GATC: variants seen among roughly 807,000 people sequenced by gnomAD.
GATC encodes the protein glutamyl-tRNA amidotransferase subunit C.
GATC carries 11 observed loss-of-function variants against 14.4 expected under a neutral mutation model. The observed-to-expected ratio is 0.77, with a 90% CI of 0.48 to 1.27. The LOEUF (loss-of-function observed/expected upper bound fraction) is 1.27, where lower values mean the gene tolerates loss of function less well. Among genes scored for constraint, GATC ranks in the 50% most tolerant of loss-of-function variants. The probability of loss-of-function intolerance (pLI) is 0.00; values close to 1 mark genes in which losing one functional copy is unlikely to be tolerated. For synonymous variants in GATC, 76 were observed against 79.3 expected (o/e 0.96, Z 0.22); for missense variants, 204 against 183.0 (o/e 1.11, Z -0.66).
At chr12:120,454,564 A>G (rs1043323542) in intron 2 of GATC, among the ~76,000 whole-genome samples, 1 of 143,618 alleles carries the variant, frequency 7.0e-6, no homozygotes, top group African/African-American at 2.5e-5. Flanking sequence ...CCCCGCCACC[A>G]CGCCTGGCTA....
chr12:120,458,011 G>A (rs934147076), intron 3 of GATC, among the ~76,000 whole-genome samples: 1 of 152,080 alleles, frequency 6.6e-6, no homozygotes, highest in Non-Finnish European at 1.5e-5. Flanking sequence ...GAGCATGGCT[G>A]CTACCCTATC....
chr12:120,447,105 CT>C lies in GATC; in HGVS notation c.254+277del, dbSNP rs376371056. Among the ~76,000 whole-genome samples, 155 of 143,244 alleles carry C rather than the reference CT, an allele frequency of 1.1e-3. 1 individual carries two copies. In the South Asian group the frequency reaches 0.017, roughly 15 times the overall value. The allele number at this position is 143,244 out of a possible 152,430, so 94.0% of individuals were successfully genotyped here. On this transcript the variant is annotated intron_variant, in intron 2 of 3. Transcript: ENST00000551765. The stretch of plus-strand genomic sequence containing the variant: ...TGTTTTTTTTTTTTTGAGACGGAGT[CT>C]CGCTGTGTTGCCTAGGCTGGAGTGC...
In GATC at chr12:120,461,747, A is replaced by G. The variant is rs1878345206; in HGVS notation, c.*1788A>G. 1 of 285,594 alleles carries G rather than the reference A, an allele frequency of 3.5e-6. No homozygotes were observed. The highest frequency in any genetic ancestry group is 6.5e-6 in the Non-Finnish European group (1 of 153,622). 17.7% of individuals were successfully genotyped at this position (285,594 alleles called of 1,614,324 possible). A position where few individuals can be genotyped will look rare whatever the true frequency, so the allele number is the denominator to read the frequency against. ...CAGTAACTGTTGATCTCCATAGTAG[A>G]GCAACCCACAAAGACAGAACTGATT... On this transcript the variant is annotated 3_prime_UTR_variant, in exon 4 of 4. Coordinates refer to ENST00000551765, the MANE Select transcript of GATC (RefSeq NM_176818.3).
chr12:120,462,040 G>C lies in GATC; in HGVS notation c.*2081G>C. On this transcript the variant is annotated 3_prime_UTR_variant, in exon 4 of 4. Transcript: ENST00000551765. ...TGTCTCAGTAGGGCCTGAAAGGAGA[G>C]AAGTAGTGTGGGGAACCCCTGCTTT... 1 of 1,611,632 alleles carries C rather than the reference G, an allele frequency of 6.2e-7. No homozygotes were observed. The highest frequency in any genetic ancestry group is 8.5e-7 in the Non-Finnish European group (1 of 1,179,682).
chr12:120,458,570 G>T (rs1412135043), intron 3 of GATC, among the ~76,000 whole-genome samples: 1 of 152,102 alleles, frequency 6.6e-6, no homozygotes, highest in African/African-American at 2.4e-5. Context: ...AATTACTCTG[G>T]GCTGACAGTA....
In GATC at chr12:120,462,193, A is replaced by C. The variant is rs879764291; in HGVS notation, c.*2234A>C. Reference sequence around the variant, plus strand: ...ATGCAAACAAAAACAAAAAGAGTAAAGGGGAAAAAAATCAGAGCCAGAAGA... The same window carrying C: ...ATGCAAACAAAAACAAAAAGAGTAACGGGGAAAAAAATCAGAGCCAGAAGA... On this transcript the variant is annotated 3_prime_UTR_variant, in exon 4 of 4. Transcript: ENST00000551765. 5 of 1,582,862 alleles carry C rather than the reference A, an allele frequency of 3.2e-6. No individual in the cohort carries two copies. The highest frequency in any genetic ancestry group is 1.1e-5 in the South Asian group (1 of 87,882).
Position 120,462,469 on chromosome 12 carries a change from G to C in GATC, c.*2510G>C. ...ACAATATATCTGAATTACTGCCATT[G>C]ACCCCCCTCAAAGCTAAGAACTGGA... is the stretch of plus-strand genomic sequence containing the variant. On this transcript the variant is annotated 3_prime_UTR_variant, in exon 4 of 4. Transcript: ENST00000551765. 8.8e-6 allele frequency: 2 copies of C among 226,806 alleles called. No homozygotes were observed. Among genetic ancestry groups the C allele is most frequent in the Non-Finnish European group, 1.8e-5 (2 of 113,954 alleles). The allele number at this position is 226,806 out of a possible 1,614,324, so 14.0% of individuals were successfully genotyped here. A position where few individuals can be genotyped will look rare whatever the true frequency, so the allele number is the denominator to read the frequency against.
intron 2 of GATC, chr12:120,454,856 T>TA (rs1565914037): frequency 9.3e-5 from 21 of 224,776 alleles, no homozygotes; most frequent in African/African-American, 4.1e-4. Flanking sequence ...CTTGTGTTAT[T>TA]CAAAAAAAAA....
chr12:120,460,182 G>A lies in GATC; in HGVS notation c.*223G>A, dbSNP rs558719693. 1 of 471,998 alleles carries A rather than the reference G, an allele frequency of 2.1e-6. No homozygotes were observed. Among genetic ancestry groups the A allele is most frequent in the South Asian group, 2.4e-5 (1 of 41,970 alleles). 29.2% of individuals were successfully genotyped at this position (471,998 alleles called of 1,614,324 possible). Reference sequence around the variant, plus strand: ...TAACTGAGGTGAAAGAAAAGCAAAAGTCAGCTTCCAAGGAATTCACTTAAC... The same window carrying A: ...TAACTGAGGTGAAAGAAAAGCAAAAATCAGCTTCCAAGGAATTCACTTAAC... On this transcript the variant is annotated 3_prime_UTR_variant, in exon 4 of 4. Transcript: ENST00000551765.
chr12:120,447,927 G>T (rs1008986347), intron 2 of GATC, among the ~76,000 whole-genome samples: 2 of 151,706 alleles, frequency 1.3e-5, no homozygotes, highest in African/African-American at 2.4e-5. Flanking sequence ...CTAATTTTTT[G>T]TATTTTTGAT....
intron 2 of GATC, among the ~76,000 whole-genome samples, chr12:120,451,472 T>A (rs1265445305): frequency 1.3e-5 from 2 of 148,692 alleles, no homozygotes; most frequent in Non-Finnish European, 3.0e-5. Flanking sequence ...CTGGGCGTGG[T>A]GTTTCACGCC....
chr12:120,447,438 T>C (rs1877907040), intron 2 of GATC, among the ~76,000 whole-genome samples: 1 of 152,110 alleles, frequency 6.6e-6, no homozygotes, highest in Non-Finnish European at 1.5e-5. Context: ...CGTACTCTTC[T>C]CAGTACTCTC....
intron 2 of GATC, among the ~76,000 whole-genome samples, chr12:120,453,137 A>T (rs1417679551): frequency 7.3e-6 from 1 of 137,624 alleles, no homozygotes; most frequent in Non-Finnish European, 1.6e-5. Flanking sequence ...GCAGAAAAGA[A>T]GCTCAAAGAA....
intron 2 of GATC, among the ~76,000 whole-genome samples, chr12:120,452,768 C>T (rs1878086673): frequency 6.6e-6 from 1 of 152,000 alleles, no homozygotes; most frequent in Admixed American, 6.6e-5. Flanking sequence ...AATCTTGGCT[C>T]ACTGCAGACT....
chr12:120,458,222 G>A (rs186715504), intron 3 of GATC, among the ~76,000 whole-genome samples: 5 of 151,482 alleles, frequency 3.3e-5, no homozygotes, highest in Admixed American at 2.6e-4. Flanking sequence ...CCGAGTAGCT[G>A]GGATTACAGG....
chr12:120,452,431 C>T (rs1878077222), intron 2 of GATC, among the ~76,000 whole-genome samples: 3 of 152,094 alleles, frequency 2.0e-5, no homozygotes, highest in Admixed American at 6.6e-5. Context: ...ACTCTGCAGC[C>T]AAATACTTAA....
chr12:120,448,934 A>G (rs1478641092), intron 2 of GATC, among the ~76,000 whole-genome samples: 1 of 149,804 alleles, frequency 6.7e-6, no homozygotes, highest in African/African-American at 2.5e-5. Context: ...GTGAGCCACA[A>G]GTCTTCATTC....
intron 3 of GATC, 96 bp from the exon 4 acceptor site, chr12:120,459,811 T>C: frequency 2.5e-6 from 2 of 811,250 alleles, no homozygotes; most frequent in Non-Finnish European, 4.0e-6. Context: ...GAGCTGAGAT[T>C]GCGCCACTGC....
At chr12:120,455,790 A>G (rs2137043331) in intron 2 of GATC, among the ~76,000 whole-genome samples, 2 of 151,970 alleles carry the variant, frequency 1.3e-5, no homozygotes, top group East Asian at 3.9e-4. Flanking sequence ...GGTTCACGCC[A>G]TTCTCCTGCC....
Sources: allele counts gnomAD v4.1 joint callset (sites outside exome capture counted in the v4.1 genomes callset), GRCh38; gene constraint gnomAD v4.1.1; transcripts MANE v1.5; gene names NCBI Gene and HGNC (gene_info 2026-07-23, HGNC 2026-07-21).